Variants in SPTBN1 observed in about 807,000 individuals in gnomAD.
The protein encoded by SPTBN1 is spectrin beta chain, non-erythrocytic 1.
A neutral mutation model predicts 266.4 loss-of-function variants in SPTBN1; 32 were observed. The observed-to-expected ratio is 0.12, with a 90% CI of 0.09 to 0.16. The LOEUF (loss-of-function observed/expected upper bound fraction) is 0.16. SPTBN1 is among the 10% of genes least tolerant of loss of function. The pLI is 1.00. For synonymous variants in SPTBN1, 1,336 were observed against 1,162.2 expected (o/e 1.15, Z -3.04); for missense variants, 2,296 against 3,067.1 (o/e 0.75, Z 5.94).
intron 2 of SPTBN1, among the ~76,000 whole-genome samples, chr2:54,538,290 C>T (rs1224459247): frequency 6.6e-6 from 1 of 152,130 alleles, no homozygotes; most frequent in African/African-American, 2.4e-5. Flanking sequence ...TGGTTGATAA[C>T]TTGGAAACAG....
At chr2:54,556,728 T>G (rs1308007040) in intron 2 of SPTBN1, among the ~76,000 whole-genome samples, 2 of 152,044 alleles carry the variant, frequency 1.3e-5, no homozygotes, top group East Asian at 3.8e-4. Flanking sequence ...GAGGGGTGCA[T>G]TTTGAAGAAT....
At chr2:54,563,249 C>T (rs1161951804) in intron 2 of SPTBN1, among the ~76,000 whole-genome samples, 1 of 152,184 alleles carries the variant, frequency 6.6e-6, no homozygotes, top group Non-Finnish European at 1.5e-5. Flanking sequence ...TCTATTGGCT[C>T]TGGCTGTGAA....
chr2:54,655,290 G>C, intron 28 of SPTBN1, 82 bp downstream of exon 28: 2 of 1,543,022 alleles, frequency 1.3e-6, no homozygotes, highest in Non-Finnish European at 1.8e-6. Context: ...GTGTGTCAGA[G>C]ATACTGTGTT....
intron 5 of SPTBN1, among the ~76,000 whole-genome samples, chr2:54,617,046 C>G (rs561990805): frequency 3.3e-5 from 5 of 152,302 alleles, no homozygotes; most frequent in Non-Finnish European, 7.3e-5. Flanking sequence ...TAATCAGCTA[C>G]TGATATAAAG....
At chr2:54,597,701 A>C (rs1209985424) in intron 2 of SPTBN1, among the ~76,000 whole-genome samples, 1 of 152,132 alleles carries the variant, frequency 6.6e-6, no homozygotes, top group African/African-American at 2.4e-5. Flanking sequence ...CAAAGCCTTC[A>C]GACAGACCTT....
At chr2:54,584,837 C>T (rs181552386) in intron 2 of SPTBN1, among the ~76,000 whole-genome samples, 1 of 152,318 alleles carries the variant, frequency 6.6e-6, no homozygotes, top group East Asian at 1.9e-4. Flanking sequence ...TCCCTCCTTA[C>T]ACCCAAACTG....
chr2:54,629,546 C>G lies in SPTBN1; in HGVS notation c.2412C>G (p.His804Gln), dbSNP rs749696092. 3 of 1,614,100 alleles carry G rather than the reference C, an allele frequency of 1.9e-6. No homozygotes were observed. The South Asian group carries it at 3.3e-5, about 18-fold the overall frequency. ...ANYRPTLDTL[H>Q]EQASALPQEH... The stretch of plus-strand genomic sequence containing the variant: ...ACAGGCCCACCCTTGACACGCTGCA[C>G]GAACAAGCCAGCGCCCTCCCCCAGG... Residue 804 changes from histidine to glutamine, a missense_variant, in exon 14 of 36, where the codon CAC (histidine) becomes CAG (glutamine). Physicochemically the swap from His to Gln is conservative, Grantham distance 24. Around this residue, in one of 12 missense-constraint regions of SPTBN1, gnomAD observed 434 missense variants for 573.9 expected, o/e 0.76. Transcript: ENST00000356805.
chr2:54,599,066 T>TA (rs1676298606), intron 2 of SPTBN1, 26 bp from the exon 3 acceptor site: 3 of 1,611,852 alleles, frequency 1.9e-6, no homozygotes, highest in African/African-American at 1.3e-5. Flanking sequence ...TGGTCAATGG[T>TA]AAAACAAGTT....
At chr2:54,476,459 A>G (rs758893551) in intron 1 of SPTBN1, among the ~76,000 whole-genome samples, 4 of 152,198 alleles carry the variant, frequency 2.6e-5, no homozygotes, top group Non-Finnish European at 5.9e-5. Flanking sequence ...GATAAAGGGC[A>G]TCTCCTGGTC....
chr2:54,577,053 A>T (rs1267797165), intron 2 of SPTBN1, among the ~76,000 whole-genome samples: 1 of 152,100 alleles, frequency 6.6e-6, no homozygotes, highest in Non-Finnish European at 1.5e-5. Context: ...ACATCATGCA[A>T]GTTTTTTTTC....
chr2:54,468,553 A>G (rs1693760327), intron 1 of SPTBN1, among the ~76,000 whole-genome samples: 1 of 152,256 alleles, frequency 6.6e-6, no homozygotes, highest in South Asian at 2.1e-4. Flanking sequence ...ATGGCAAAAC[A>G]TAAAATCTAA....
At chr2:54,622,259 A>C in intron 8 of SPTBN1, 41 bp from the exon 9 acceptor site, 1 of 1,597,870 alleles carries the variant, frequency 6.3e-7, no homozygotes, top group South Asian at 1.1e-5. Context: ...TAACTTATGG[A>C]GTGACATGAT....
intron 3 of SPTBN1, among the ~76,000 whole-genome samples, chr2:54,603,650 A>G (rs1676645247): frequency 1.3e-5 from 2 of 152,168 alleles, no homozygotes; most frequent in Non-Finnish European, 2.9e-5. Flanking sequence ...CAAAATAACT[A>G]ATACTCCTCT....
intron 3 of SPTBN1, among the ~76,000 whole-genome samples, chr2:54,602,823 C>G (rs182864505): frequency 1.3e-5 from 2 of 152,236 alleles, no homozygotes; most frequent in East Asian, 1.9e-4. Context: ...ATTTGTTAAG[C>G]CTCAAATCCC....
chr2:54,661,979 A>C, intron 32 of SPTBN1: 1 of 985,392 alleles, frequency 1.0e-6, no homozygotes, highest in Non-Finnish European at 1.2e-6. Context: ...TATTGTTTTG[A>C]GTGATGACGC....
At chr2:54,503,419 C>G (rs900033297) in intron 1 of SPTBN1, among the ~76,000 whole-genome samples, 1 of 152,204 alleles carries the variant, frequency 6.6e-6, no homozygotes. Context: ...TGTTCTCCTG[C>G]AGGCCCAGTG....
chr2:54,603,493 C>A (rs1217444283), intron 3 of SPTBN1, among the ~76,000 whole-genome samples: 1 of 152,144 alleles, frequency 6.6e-6, no homozygotes, highest in Non-Finnish European at 1.5e-5. Flanking sequence ...TGCTAGTAGG[C>A]GATATGGTGT....
At chr2:54,585,981 A>G (rs1441947084) in intron 2 of SPTBN1, among the ~76,000 whole-genome samples, 1 of 152,240 alleles carries the variant, frequency 6.6e-6, no homozygotes, top group African/African-American at 2.4e-5. Context: ...ATTTTGAGTT[A>G]CACATTGGGA....
intron 2 of SPTBN1, among the ~76,000 whole-genome samples, chr2:54,569,043 A>T (rs1412776912): frequency 1.3e-5 from 2 of 152,204 alleles, no homozygotes; most frequent in Admixed American, 6.5e-5. Flanking sequence ...AATATCTGTT[A>T]CATGGTAAGT....
Sources: allele counts gnomAD v4.1 joint callset (sites outside exome capture counted in the v4.1 genomes callset), GRCh38; gene constraint gnomAD v4.1.1; regional missense constraint gnomAD v4.1.1; transcripts MANE v1.5; gene names NCBI Gene and HGNC (gene_info 2026-07-23, HGNC 2026-07-21).